The following NCR3LG1 variants were observed in gnomAD, a reference collection of about 807,000 sequenced individuals.
NCR3LG1 encodes the protein natural killer cell cytotoxicity receptor 3 ligand 1, also known as natural cytotoxicity triggering receptor 3 ligand 1.
In NCR3LG1, 35 loss-of-function variants were observed where a neutral mutation model predicts 34.8. The ratio of observed to expected loss-of-function variants is 1.01; its 90% CI spans 0.77 to 1.33. The LOEUF (loss-of-function observed/expected upper bound fraction) is 1.33. NCR3LG1 is among the 40% of genes most tolerant of loss of function. The pLI, the probability that NCR3LG1 is intolerant of heterozygous loss-of-function variation, is 0.00. For missense variants in NCR3LG1, 452 were observed against 423.3 expected, an observed-to-expected ratio of 1.07 and a Z score of -0.60; for synonymous variants, 173 against 163.6, an observed-to-expected ratio of 1.06 and a Z score of -0.44.
chr11:17,360,874 C>A (rs1034844381), intron 2 of NCR3LG1, among the ~76,000 whole-genome samples: 1 of 152,092 alleles, frequency 6.6e-6, no homozygotes, highest in Admixed American at 6.5e-5. Context: ...GTAGCTTGTG[C>A]TACAGGCTCG....
chr11:17,363,703 C>T (rs542400223), intron 2 of NCR3LG1, among the ~76,000 whole-genome samples: 1 of 151,888 alleles, frequency 6.6e-6, no homozygotes, highest in South Asian at 2.1e-4. Context: ...CCCAAGTGAT[C>T]CTCCCACCTC....
In NCR3LG1 at chr11:17,363,998, G is replaced by A. The variant is rs186962140; in HGVS notation, c.422-3011G>A. Among the ~76,000 whole-genome samples the A allele has an allele frequency of 5.3e-5, 8 of 152,182 alleles. No individual in the cohort carries two copies. The East Asian group carries it at 1.4e-3, about 26-fold the overall frequency. ...ATTCTCTAAGCTTCCTGGGTCTTTAGTTTGGTGTCTATCATTAATTTTGGA... is the reference window on the plus strand; with the variant it reads ...ATTCTCTAAGCTTCCTGGGTCTTTAATTTGGTGTCTATCATTAATTTTGGA... On this transcript the variant is annotated intron_variant, in intron 2 of 4. Coordinates refer to ENST00000338965, the MANE Select transcript of NCR3LG1 (RefSeq NM_001202439.3).
At chr11:17,369,884 G>C (rs1343772372) in intron 4 of NCR3LG1, among the ~76,000 whole-genome samples, 1 of 152,148 alleles carries the variant, frequency 6.6e-6, no homozygotes, top group Non-Finnish European at 1.5e-5. Context: ...AGGCAGTTAG[G>C]GTGGGCCCTC....
intron 1 of NCR3LG1, among the ~76,000 whole-genome samples, chr11:17,353,823 G>T (rs1425463076): frequency 1.3e-5 from 2 of 152,236 alleles, no homozygotes; most frequent in East Asian, 3.8e-4. Context: ...GTTGGTGCTG[G>T]ACTTTGGCAC....
chr11:17,379,081 A>G (rs1376490225), downstream of NCR3LG1, among the ~76,000 whole-genome samples: 1 of 152,192 alleles, frequency 6.6e-6, no homozygotes, highest in Non-Finnish European at 1.5e-5. Flanking sequence ...TGAAATGGCG[A>G]CACTCTTTTG....
At chr11:17,369,046 G>C in intron 4 of NCR3LG1, 82 bp downstream of exon 4, 1 of 820,458 alleles carries the variant, frequency 1.2e-6, no homozygotes, top group South Asian at 1.7e-5. Context: ...AACCTTACAA[G>C]CCTCAAGGGA....
At chr11:17,365,136 A>G (rs1216329677) in intron 2 of NCR3LG1, among the ~76,000 whole-genome samples, 1 of 152,126 alleles carries the variant, frequency 6.6e-6, no homozygotes, top group African/African-American at 2.4e-5. Flanking sequence ...GTAATTTTTT[A>G]GTTGAAAGAG....
At chr11:17,361,700 T>C (rs866061116) in intron 2 of NCR3LG1, among the ~76,000 whole-genome samples, 6 of 152,356 alleles carry the variant, frequency 3.9e-5, no homozygotes, top group Middle Eastern at 6.8e-3. Context: ...CACTTATTCA[T>C]TCTAGGGATT....
chr11:17,354,262 C>A (rs1953178180), intron 1 of NCR3LG1, among the ~76,000 whole-genome samples: 2 of 152,216 alleles, frequency 1.3e-5, no homozygotes. Flanking sequence ...GGAAACAAGA[C>A]TGCAGAAAAT....
At chr11:17,352,359 TTTAG>T (rs1270434615) in intron 1 of NCR3LG1, among the ~76,000 whole-genome samples, 2 of 151,964 alleles carry the variant, frequency 1.3e-5, no homozygotes, top group Non-Finnish European at 2.9e-5. Flanking sequence ...TTTTTGTACT[TTTAG>T]TAGAGACGGG....
intron 2 of NCR3LG1, among the ~76,000 whole-genome samples, chr11:17,364,529 A>G (rs573359059): frequency 6.8e-6 from 1 of 147,618 alleles, no homozygotes; most frequent in Non-Finnish European, 1.5e-5. Context: ...CTTCAAGCTC[A>G]CTGATTCTTT....
At position 17,375,418 on chromosome 11, in the gene NCR3LG1, C is replaced by G. The variant is rs1410950648; in HGVS notation, c.*2906C>G. 6.6e-6 allele frequency: 1 copy of G among 152,134 alleles called. No individual in the cohort carries two copies. The highest frequency in any genetic ancestry group is 1.5e-5 in the Non-Finnish European group (1 of 68,034). 9.4% of individuals were successfully genotyped at this position (152,134 alleles called of 1,614,324 possible). On this transcript the variant is annotated 3_prime_UTR_variant, in exon 5 of 5. Coordinates refer to ENST00000338965, the MANE Select transcript of NCR3LG1 (RefSeq NM_001202439.3). ...AAAAGTGGGATATGCAGTAGTCACC[C>G]TAAATAACATTGAAAATGTGCCTCT...
At chr11:17,369,236 A>G (rs1471916640) in intron 4 of NCR3LG1, among the ~76,000 whole-genome samples, 2 of 152,194 alleles carry the variant, frequency 1.3e-5, no homozygotes, top group Non-Finnish European at 2.9e-5. Context: ...CTTTCTCCAT[A>G]CTAAACAAGT....
chr11:17,366,309 G>A (rs1165162788), intron 2 of NCR3LG1, among the ~76,000 whole-genome samples: 2 of 152,112 alleles, frequency 1.3e-5, no homozygotes, highest in Non-Finnish European at 2.9e-5. Context: ...CATTCTGCAG[G>A]AAATAAGGAG....
intron 2 of NCR3LG1, among the ~76,000 whole-genome samples, chr11:17,359,485 T>C (rs7110037): frequency 0.21 from 31,503 of 151,114 alleles, 3,595 homozygotes; most frequent in African/African-American, 0.26. Context: ...TAGAGTACAG[T>C]GCTTTTTGGC....
intron 1 of NCR3LG1, among the ~76,000 whole-genome samples, chr11:17,356,337 C>T (rs1016465229): frequency 6.6e-6 from 1 of 151,840 alleles, no homozygotes; most frequent in Non-Finnish European, 1.5e-5. Context: ...TGGGGCTTCA[C>T]CATGTTAGCC....
downstream of NCR3LG1, among the ~76,000 whole-genome samples, chr11:17,378,605 C>T (rs201475252): frequency 1.3e-5 from 2 of 152,272 alleles, no homozygotes; most frequent in Non-Finnish European, 2.9e-5. Context: ...CAACGACGCC[C>T]CCTTCCAGCA....
downstream of NCR3LG1, among the ~76,000 whole-genome samples, chr11:17,379,404 A>G (rs1953502327): frequency 6.6e-6 from 1 of 152,232 alleles, no homozygotes; most frequent in African/African-American, 2.4e-5. Context: ...ATCCATGTCC[A>G]TTGCTGTGTA....
chr11:17,357,001 G>A lies in NCR3LG1; in HGVS notation c.421G>A (p.Ala141Thr). ...GGGAACAGTCCAGCTTGAAGTTGTG[G>A]GTGAGTGTCTCGGGGCAGTGCCCTA... ...AQGTVQLEVV[A>T]SPASRLLLDQ... Residue 141 changes from alanine to threonine, a missense_variant and splice_region_variant, in exon 2 of 5, where the codon GCT (alanine) becomes ACT (threonine). Transcript: ENST00000338965. The A allele has an allele frequency of 1.3e-6, 2 of 1,510,182 alleles. No individual in the cohort carries two copies. Among genetic ancestry groups the A allele is most frequent in the Non-Finnish European group, 1.8e-6 (2 of 1,131,920 alleles). 93.5% of individuals were successfully genotyped at this position (1,510,182 alleles called of 1,614,324 possible).
Sources: gnomAD v4.1 joint callset for allele counts (sites outside exome capture counted in the v4.1 genomes callset) on GRCh38, gnomAD v4.1.1 for gene constraint, MANE v1.5 for transcripts, NCBI Gene and HGNC (gene_info 2026-07-23, HGNC 2026-07-21) for gene names.